CEP57: variants seen among roughly 807,000 people sequenced by gnomAD.
CEP57 encodes the protein centrosomal protein of 57 kDa.
A neutral mutation model predicts 68.0 loss-of-function variants in CEP57; 40 were observed. The ratio of observed to expected loss-of-function variants is 0.59; its 90% CI spans 0.46 to 0.77. The LOEUF is 0.77. Among genes scored for constraint, CEP57 ranks in the 30% least tolerant of loss-of-function variants. CEP57 has a pLI of 0.00. For synonymous variants in CEP57, 219 were observed against 198.7 expected (o/e 1.10, Z -0.86); for missense variants, 606 against 580.7 (o/e 1.04, Z -0.45).
At chr11:95,827,092 C>T (rs1307335045) in intron 8 of CEP57, 1 of 152,142 alleles carries the variant, frequency 6.6e-6, no homozygotes, top group Non-Finnish European at 1.5e-5. Context: ...TTTATGGAGC[C>T]AAGTAAGCCC....
chr11:95,791,497 C>G (rs1333281741), intron 1 of CEP57, among the ~76,000 whole-genome samples: 1 of 152,154 alleles, frequency 6.6e-6, no homozygotes, highest in Non-Finnish European at 1.5e-5. Flanking sequence ...TGTTGGAGCT[C>G]TTATTTCTCC....
chr11:95,795,550 C>T (rs522536), intron 1 of CEP57: 188,047 of 529,854 alleles, frequency 0.35, 36,228 homozygotes, highest in Non-Finnish European at 0.4. Flanking sequence ...CAATGTTGAC[C>T]AGAATTGATG....
intron 2 of CEP57, among the ~76,000 whole-genome samples, chr11:95,803,783 C>CT (rs1861680054): frequency 6.7e-6 from 1 of 150,134 alleles, no homozygotes; most frequent in Non-Finnish European, 1.5e-5. Flanking sequence ...CTAAAAATTA[C>CT]TGAGTTTTAA....
At position 95,799,336 on chromosome 11, in the gene CEP57, A is replaced by C. The variant is rs190360114; in HGVS notation, c.150A>C (p.Leu50=). The stretch of plus-strand genomic sequence containing the variant: ...ATAAGCCTTTCCTTAATAGTGATCT[A>C]CGACGCTCCCCAAGTAAGCCTACAC... ...PSDKPFLNSD[L]RRSPSKPTLA... Residue 50 remains leucine, a synonymous_variant, in exon 2 of 11, where the codon CTA becomes CTC. Transcript: ENST00000325542. 1 of 1,613,990 alleles carries C rather than the reference A, an allele frequency of 6.2e-7. No homozygotes were observed. The highest frequency in any genetic ancestry group is 8.5e-7 in the Non-Finnish European group (1 of 1,179,988).
chr11:95,809,055 A>G (rs1336466675), intron 2 of CEP57, among the ~76,000 whole-genome samples: 3 of 152,212 alleles, frequency 2.0e-5, no homozygotes, highest in African/African-American at 7.2e-5. Flanking sequence ...AACTCACTCA[A>G]AACCACTCAA....
intron 8 of CEP57, chr11:95,823,358 A>G (rs532957972): frequency 6.6e-6 from 1 of 152,188 alleles, no homozygotes; most frequent in African/African-American, 2.4e-5. Flanking sequence ...GTGTGGGTCT[A>G]CTTACAGGCA....
chr11:95,824,944 T>G (rs1862675552), intron 8 of CEP57, among the ~76,000 whole-genome samples: 1 of 152,162 alleles, frequency 6.6e-6, no homozygotes, highest in African/African-American at 2.4e-5. Flanking sequence ...CAATCCTTTG[T>G]CCCTGAAGTC....
At chr11:95,797,237 G>A (rs1167045637) in intron 1 of CEP57, among the ~76,000 whole-genome samples, 1 of 145,612 alleles carries the variant, frequency 6.9e-6, no homozygotes, top group African/African-American at 2.6e-5. Flanking sequence ...CCCAATCTTG[G>A]CTCACCACAA....
At chr11:95,801,688 G>T (rs1353504070) in intron 2 of CEP57, among the ~76,000 whole-genome samples, 1 of 151,614 alleles carries the variant, frequency 6.6e-6, no homozygotes, top group East Asian at 1.9e-4. Context: ...TACTAGCAAA[G>T]AATAAGAAAT....
chr11:95,821,957 G>C lies in CEP57; in HGVS notation c.786G>C (p.Lys262Asn). The part of the protein sequence containing the change: ...CVPNARRIKK[K>N]KSKPPEKKSS... ...CCAATGCAAGAAGAATTAAAAAAAA[G>C]AAGTCAAAACCACCAGAAAAGGTGT... The change falls in exon 7 of 11, where the codon AAG becomes AAC. Residue 262 changes from lysine to asparagine, a missense_variant. Lys to Asn is a moderately conservative substitution (Grantham distance 94). Transcript: ENST00000325542. 6.2e-7 allele frequency: 1 copy of C among 1,612,156 alleles called. No individual in the cohort carries two copies. Among genetic ancestry groups the C allele is most frequent in the Non-Finnish European group, 8.5e-7 (1 of 1,179,052 alleles).
intron 1 of CEP57, among the ~76,000 whole-genome samples, chr11:95,793,531 A>G (rs556621627): frequency 7.3e-6 from 1 of 136,178 alleles, no homozygotes; most frequent in Non-Finnish European, 1.5e-5. Context: ...GAATAATAAA[A>G]TGAATACCTT....
At chr11:95,821,026 A>G (rs1346193911) in intron 6 of CEP57, among the ~76,000 whole-genome samples, 2 of 152,204 alleles carry the variant, frequency 1.3e-5, no homozygotes, top group Non-Finnish European at 2.9e-5. Flanking sequence ...TAGCTCCATT[A>G]TAATTTCCTG....
intron 1 of CEP57, among the ~76,000 whole-genome samples, chr11:95,791,777 G>A (rs1192524504): frequency 6.6e-6 from 1 of 152,176 alleles, no homozygotes; most frequent in Non-Finnish European, 1.5e-5. Context: ...AGTAGAGAAA[G>A]GAGAAAAAGG....
intron 5 of CEP57, among the ~76,000 whole-genome samples, chr11:95,818,217 G>T (rs1862381916): frequency 6.6e-6 from 1 of 151,846 alleles, no homozygotes; most frequent in Non-Finnish European, 1.5e-5. Flanking sequence ...TTCAAGACCA[G>T]CCTGACCAAC....
At chr11:95,820,258 T>C (rs931410766) in intron 6 of CEP57, among the ~76,000 whole-genome samples, 3 of 152,178 alleles carry the variant, frequency 2.0e-5, no homozygotes, top group Non-Finnish European at 4.4e-5. Context: ...GTGAATATTA[T>C]TGTACTGAAA....
At chr11:95,807,292 A>C (rs1861843746) in intron 2 of CEP57, among the ~76,000 whole-genome samples, 1 of 152,158 alleles carries the variant, frequency 6.6e-6, no homozygotes, top group African/African-American at 2.4e-5. Flanking sequence ...AAATTCCAAA[A>C]ATCAGAGCAC....
intron 1 of CEP57, among the ~76,000 whole-genome samples, chr11:95,794,974 A>G (rs1861278886): frequency 6.6e-6 from 1 of 152,168 alleles, no homozygotes; most frequent in Non-Finnish European, 1.5e-5. Context: ...CCATATGTGT[A>G]TGGGTGTGTT....
At chr11:95,812,767 A>T (rs1453487203) in intron 2 of CEP57, 165 bp from the exon 3 acceptor site, 1 of 700,748 alleles carries the variant, frequency 1.4e-6, no homozygotes, top group South Asian at 1.6e-5. Context: ...TTGATTTTTT[A>T]AAAAACAAAT....
chr11:95,790,518 C>A lies in CEP57; in HGVS notation c.-181C>A. On this transcript the variant is annotated 5_prime_UTR_variant, in exon 1 of 11. Transcript: ENST00000325542. The stretch of plus-strand genomic sequence containing the variant: ...TTGCCCTTTCTGTGTAAGCTGTGAG[C>A]GTAGGCGGCCCTGAGGGGGTGTGTT... 1 of 648,270 alleles carries A rather than the reference C, an allele frequency of 1.5e-6. No individual in the cohort carries two copies. 40.2% of individuals were successfully genotyped at this position (648,270 alleles called of 1,614,324 possible).
Sources: gnomAD v4.1 joint callset for allele counts (sites outside exome capture counted in the v4.1 genomes callset) on GRCh38, gnomAD v4.1.1 for gene constraint, MANE v1.5 for transcripts, NCBI Gene and HGNC (gene_info 2026-07-23, HGNC 2026-07-21) for gene names.